The following PAPPA2 variants were observed in gnomAD, a reference collection of about 807,000 sequenced individuals.
PAPPA2 encodes the protein pappalysin-2.
A neutral mutation model predicts 176.4 loss-of-function variants in PAPPA2; 86 were observed. The observed-to-expected ratio is 0.49, with a 90% CI of 0.41 to 0.58. The LOEUF (loss-of-function observed/expected upper bound fraction) is 0.58. Among genes scored for constraint, PAPPA2 ranks in the 20% least tolerant of loss-of-function variants. The pLI is 0.00. For missense variants in PAPPA2, 2,073 were observed against 2,256.9 expected, an observed-to-expected ratio of 0.92 and a Z score of 1.65; for synonymous variants, 809 against 852.2, an observed-to-expected ratio of 0.95 and a Z score of 0.88.
intron 2 of PAPPA2, among the ~76,000 whole-genome samples, chr1:176,577,381 G>GA (rs1345640610): frequency 2.6e-5 from 4 of 152,096 alleles, no homozygotes; most frequent in African/African-American, 7.2e-5. Context: ...CCTTGCACAT[G>GA]AAAGCATGAC....
intron 14 of PAPPA2, among the ~76,000 whole-genome samples, chr1:176,752,550 T>C (rs571905742): frequency 6.6e-6 from 1 of 152,296 alleles, no homozygotes; most frequent in South Asian, 2.1e-4. Context: ...AATGTATATT[T>C]GGTTTGGCTT....
At position 176,842,816 on chromosome 1, in the gene PAPPA2, A is replaced by G. The variant is rs1019858488; in HGVS notation, c.*362A>G. The stretch of plus-strand genomic sequence containing the variant: ...CCTGCCAACTACTCAGTCCCACCCA[A>G]CTTGTAAACCAATACCAAAATACTA... On this transcript the variant is annotated 3_prime_UTR_variant, in exon 23 of 23. Coordinates refer to ENST00000367662, the MANE Select transcript of PAPPA2 (RefSeq NM_020318.3). The G allele has an allele frequency of 1.1e-5, 2 of 181,886 alleles. No individual in the cohort carries two copies. The highest frequency in any genetic ancestry group is 2.4e-5 in the African/African-American group (1 of 42,274). 11.3% of individuals were successfully genotyped at this position (181,886 alleles called of 1,614,324 possible).
At chr1:176,828,740 A>G (rs1342928456) in intron 21 of PAPPA2, among the ~76,000 whole-genome samples, 1 of 152,070 alleles carries the variant, frequency 6.6e-6, no homozygotes, top group Non-Finnish European at 1.5e-5. Context: ...GTGGTGGCTC[A>G]TGCCCGTAAT....
chr1:176,755,320 T>C lies in PAPPA2; in HGVS notation c.4152-10346T>C, dbSNP rs141474141. Among the ~76,000 whole-genome samples, 822 of 152,270 alleles carry C rather than the reference T, an allele frequency of 5.4e-3. 9 individuals are homozygous for C. Among genetic ancestry groups the C allele is most frequent in the African/African-American group, 0.018 (752 of 41,546 alleles). ...TTTGGGAGCCATTCAAGGAGCTGGA[T>C]TGTAAATCCTTAAGACTTCCATTTA... On this transcript the variant is annotated intron_variant, in intron 14 of 22. Coordinates refer to ENST00000367662, the MANE Select transcript of PAPPA2 (RefSeq NM_020318.3).
chr1:176,741,368 T>A (rs532940968), intron 14 of PAPPA2, among the ~76,000 whole-genome samples: 1 of 152,280 alleles, frequency 6.6e-6, no homozygotes, highest in East Asian at 1.9e-4. Context: ...CATGCTCACA[T>A]AGAAGTGCTC....
intron 3 of PAPPA2, among the ~76,000 whole-genome samples, chr1:176,631,598 G>T (rs981339601): frequency 6.6e-6 from 1 of 152,122 alleles, no homozygotes; most frequent in Non-Finnish European, 1.5e-5. Context: ...CAGTAATGAG[G>T]TCTAGTAAAA....
At chr1:176,480,536 A>T (rs953570707) in intron 1 of PAPPA2, among the ~76,000 whole-genome samples, 4 of 151,970 alleles carry the variant, frequency 2.6e-5, no homozygotes, top group African/African-American at 7.2e-5. Context: ...TGGGGCATGG[A>T]GGCGGGAAGG....
At chr1:176,786,507 A>G (rs1407314378) in intron 17 of PAPPA2, among the ~76,000 whole-genome samples, 2 of 152,234 alleles carry the variant, frequency 1.3e-5, no homozygotes, top group Non-Finnish European at 2.9e-5. Flanking sequence ...TAAGATTTGC[A>G]TATTTTTCTA....
At chr1:176,736,999 A>G (rs997414483) in intron 12 of PAPPA2, among the ~76,000 whole-genome samples, 1 of 152,022 alleles carries the variant, frequency 6.6e-6, no homozygotes, top group Non-Finnish European at 1.5e-5. Flanking sequence ...TCTATATTAA[A>G]ATATACAAAT....
At chr1:176,689,864 G>A (rs1217430704) in intron 4 of PAPPA2, among the ~76,000 whole-genome samples, 1 of 152,126 alleles carries the variant, frequency 6.6e-6, no homozygotes, top group Non-Finnish European at 1.5e-5. Flanking sequence ...ATGCATACAG[G>A]GCTGAGAATT....
intron 3 of PAPPA2, among the ~76,000 whole-genome samples, chr1:176,642,406 A>G (rs975313487): frequency 3.3e-5 from 5 of 151,852 alleles, no homozygotes; most frequent in African/African-American, 1.2e-4. Context: ...GAAATAATAC[A>G]AGCAAAAGGA....
intron 12 of PAPPA2, among the ~76,000 whole-genome samples, chr1:176,729,238 G>T (rs188729114): frequency 6.6e-5 from 10 of 151,986 alleles, no homozygotes; most frequent in Middle Eastern, 6.8e-3. Context: ...GTCTGTTAAA[G>T]CATCCACCCT....
intron 21 of PAPPA2, among the ~76,000 whole-genome samples, chr1:176,828,257 A>G (rs184076824): frequency 2.6e-5 from 4 of 152,272 alleles, no homozygotes; most frequent in Non-Finnish European, 4.4e-5. Flanking sequence ...AATGGGCCCA[A>G]TAACAGAGCT....
At chr1:176,492,604 C>A (rs565895462) in intron 1 of PAPPA2, among the ~76,000 whole-genome samples, 8 of 152,224 alleles carry the variant, frequency 5.3e-5, no homozygotes, top group Non-Finnish European at 7.4e-5. Context: ...ATCAGTAGCT[C>A]CTTGGAGGAG....
intron 14 of PAPPA2, among the ~76,000 whole-genome samples, chr1:176,756,743 G>A (rs1663442025): frequency 6.6e-6 from 1 of 151,896 alleles, no homozygotes; most frequent in South Asian, 2.1e-4. Flanking sequence ...TAAGTTCTAG[G>A]GTACATGTGC....
chr1:176,642,906 T>A (rs980645222), intron 3 of PAPPA2, among the ~76,000 whole-genome samples: 1 of 151,974 alleles, frequency 6.6e-6, no homozygotes, highest in African/African-American at 2.4e-5. Context: ...GACATTCTCT[T>A]CTTTTTGAGG....
chr1:176,739,234 C>A (rs1662558740), intron 12 of PAPPA2, among the ~76,000 whole-genome samples: 1 of 152,136 alleles, frequency 6.6e-6, no homozygotes. Context: ...TTTGATGATT[C>A]TTCTCCACTG....
chr1:176,729,754 T>C (rs1435106764), intron 12 of PAPPA2, among the ~76,000 whole-genome samples: 2 of 152,120 alleles, frequency 1.3e-5, no homozygotes, highest in Non-Finnish European at 2.9e-5. Flanking sequence ...AAGAACTTGC[T>C]ACCTATACTC....
chr1:176,502,766 T>C (rs997260948), intron 1 of PAPPA2, among the ~76,000 whole-genome samples: 5 of 152,204 alleles, frequency 3.3e-5, no homozygotes, highest in African/African-American at 1.2e-4. Context: ...TATTGGATCT[T>C]CCAAGTTACT....
Sources: gnomAD v4.1 joint callset for allele counts (sites outside exome capture counted in the v4.1 genomes callset) on GRCh38, gnomAD v4.1.1 for gene constraint, MANE v1.5 for transcripts, NCBI Gene and HGNC (gene_info 2026-07-23, HGNC 2026-07-21) for gene names.